Variants in TOX observed in about 807,000 individuals in gnomAD.
TOX encodes the protein thymocyte selection associated high mobility group box, also known as thymocyte selection-associated high mobility group box protein TOX.
A neutral mutation model predicts 53.7 loss-of-function variants in TOX; 11 were observed. The ratio of observed to expected loss-of-function variants is 0.20; its 90% CI spans 0.13 to 0.34. The LOEUF is 0.34. Among genes scored for constraint, TOX ranks in the 10% least tolerant of loss-of-function variants. The pLI is 1.00. For missense variants in TOX, 570 were observed against 664.6 expected (o/e 0.86, Z 1.56); for synonymous variants, 225 against 245.3 (o/e 0.92, Z 0.77).
At chr8:59,060,940 C>T (rs1172305989) in intron 1 of TOX, among the ~76,000 whole-genome samples, 1 of 152,144 alleles carries the variant, frequency 6.6e-6, no homozygotes, top group Non-Finnish European at 1.5e-5. Context: ...AACAACGCTA[C>T]TATTGGGGGA....
chr8:58,952,705 A>G (rs911374521), intron 2 of TOX, among the ~76,000 whole-genome samples: 5 of 152,232 alleles, frequency 3.3e-5, no homozygotes, highest in African/African-American at 9.6e-5. Flanking sequence ...TATTCCATTC[A>G]GATATTTTCA....
intron 1 of TOX, among the ~76,000 whole-genome samples, chr8:59,092,354 A>T (rs1804637953): frequency 7.4e-6 from 1 of 134,744 alleles, no homozygotes; most frequent in Admixed American, 8.3e-5. Context: ...CATTATATAT[A>T]TTATATATAT....
At chr8:58,985,976 G>A (rs377041330) in intron 1 of TOX, among the ~76,000 whole-genome samples, 4 of 152,156 alleles carry the variant, frequency 2.6e-5, no homozygotes, top group Admixed American at 1.3e-4. Context: ...ATCTCATAAT[G>A]AGCAAAAAAT....
rs1812398374 is a variant in TOX at position 58,939,468 on chromosome 8, G to A, written c.245C>T (p.Ser82Leu). The change falls in exon 3 of 9, where the codon TCG (serine) becomes TTG (leucine). Residue 82 changes from serine to leucine, a missense_variant. By Grantham distance (145) the Ser-to-Leu change is moderately radical. Coordinates refer to ENST00000361421, the MANE Select transcript of TOX (RefSeq NM_014729.3). ...PITPPSLPDH[S>L]LVHLNEVESG... ...CTCAACTTCATTCAGGTGCACCAGC[G>A]AGTGGTCTGGGAGGGAAGGAGGAGT... 4.3e-6 allele frequency: 7 copies of A among 1,614,074 alleles called. No homozygotes were observed. Among genetic ancestry groups the A allele is most frequent in the Middle Eastern group, 1.6e-4 (1 of 6,084 alleles).
chr8:58,956,888 C>T (rs1350052719), intron 2 of TOX, among the ~76,000 whole-genome samples: 7 of 152,230 alleles, frequency 4.6e-5, no homozygotes, highest in Non-Finnish European at 1.0e-4. Context: ...GCTGGGATTA[C>T]AGGCATGAGC....
intron 3 of TOX, among the ~76,000 whole-genome samples, chr8:58,938,015 C>G (rs1812375413): frequency 6.6e-6 from 1 of 152,200 alleles, no homozygotes; most frequent in South Asian, 2.1e-4. Flanking sequence ...TAAGCTAAAT[C>G]TATACAAGTG....
intron 1 of TOX, among the ~76,000 whole-genome samples, chr8:58,962,730 TGG>T (rs941217135): frequency 6.6e-6 from 1 of 152,142 alleles, no homozygotes. Context: ...TGCTTGAGCC[TGG>T]GAGGTTGAGG....
chr8:59,106,651 T>G (rs1203536556), intron 1 of TOX, among the ~76,000 whole-genome samples: 4 of 152,146 alleles, frequency 2.6e-5, no homozygotes, highest in Non-Finnish European at 5.9e-5. Context: ...ATGAATTCAC[T>G]CACTCTGATA....
Position 59,118,783 on chromosome 8 carries a change from G to A in TOX, c.102+103C>T, listed in dbSNP as rs1805155358. The A allele has an allele frequency of 3.9e-6, 3 of 769,028 alleles. No individual in the cohort carries two copies. In the South Asian group the frequency reaches 6.5e-5, roughly 17 times the overall value. The allele number at this position is 769,028 out of a possible 1,614,324, so 47.6% of individuals were successfully genotyped here. The stretch of plus-strand genomic sequence containing the variant: ...CGGGCTGCGAGCCGAGCGCGCCCGG[G>A]ACCGGCCTCCGCCAAGCCGGCCCCG... On this transcript the variant is annotated intron_variant, in intron 1 of 8. Coordinates refer to ENST00000361421, the MANE Select transcript of TOX (RefSeq NM_014729.3). This position sits in a 1 kb window ranked among gnomAD's most constrained non-coding sequence, Gnocchi z 4.1.
At position 59,009,366 on chromosome 8, in the gene TOX, T is replaced by C. The variant is rs549294563; in HGVS notation, c.103-49358A>G. 5.3e-5 allele frequency among the ~76,000 whole-genome samples: 8 copies of C among 151,488 alleles called. No individual in the cohort carries two copies. The East Asian group carries it at 1.6e-3, about 30-fold the overall frequency. On this transcript the variant is annotated intron_variant, in intron 1 of 8. Coordinates refer to ENST00000361421, the MANE Select transcript of TOX (RefSeq NM_014729.3). ...TTCCTTCCCTCCTTTCTTTCTCTCT[T>C]TCTCTCTTTCTTTCTTTCTTTTTTT...
intron 6 of TOX, among the ~76,000 whole-genome samples, chr8:58,821,159 T>C (rs1810268603): frequency 6.6e-6 from 1 of 152,156 alleles, no homozygotes; most frequent in Non-Finnish European, 1.5e-5. Context: ...CATATCTTTA[T>C]AAAGAAATGC....
chr8:58,817,043 C>T (rs1393999905), intron 6 of TOX, among the ~76,000 whole-genome samples: 2 of 152,026 alleles, frequency 1.3e-5, no homozygotes, highest in African/African-American at 4.8e-5. Flanking sequence ...GGTGGGTGGA[C>T]GATCAGCCCC....
intron 1 of TOX, among the ~76,000 whole-genome samples, chr8:59,052,715 T>C (rs1803813832): frequency 6.6e-6 from 1 of 152,176 alleles, no homozygotes; most frequent in South Asian, 2.1e-4. Context: ...GCAAATTGCT[T>C]AACATCTCTG....
At chr8:58,824,747 G>A (rs919059476) in intron 6 of TOX, among the ~76,000 whole-genome samples, 1 of 152,180 alleles carries the variant, frequency 6.6e-6, no homozygotes, top group Non-Finnish European at 1.5e-5. Context: ...CTTGACGAAA[G>A]AGAAAGTTCT....
intron 1 of TOX, among the ~76,000 whole-genome samples, chr8:59,002,987 T>C (rs1171378625): frequency 2.0e-5 from 3 of 152,216 alleles, no homozygotes; most frequent in Non-Finnish European, 4.4e-5. Flanking sequence ...TGTGTTATAT[T>C]GAAACCTGTG....
chr8:58,837,693 G>C (rs1563366179), intron 5 of TOX, among the ~76,000 whole-genome samples: 1 of 152,214 alleles, frequency 6.6e-6, no homozygotes, highest in Admixed American at 6.5e-5. Context: ...AGAGCAAAGA[G>C]GGTTTTGATG....
intron 1 of TOX, among the ~76,000 whole-genome samples, chr8:59,021,481 A>AAAAATATATATATAT (rs59174995): frequency 9.3e-5 from 6 of 64,734 alleles, no homozygotes; most frequent in East Asian, 4.5e-4. Context: ...AAAAAAAAAA[A>AAAAATATATATATAT]ATATATATAT....
Position 58,815,470 on chromosome 8 carries a change from G to A in TOX, c.1260C>T (p.Pro420=), listed in dbSNP as rs1238835806. 1 of 1,614,052 alleles carries A rather than the reference G, an allele frequency of 6.2e-7. No individual in the cohort carries two copies. Among genetic ancestry groups the A allele is most frequent in the Admixed American group, 1.7e-5 (1 of 60,026 alleles). Residue 420 remains proline (P), a synonymous_variant, in exon 7 of 9, where the codon CCC becomes CCT. Coordinates refer to ENST00000361421, the MANE Select transcript of TOX (RefSeq NM_014729.3). ...GGTGAAGAGGCGGGCTGATCTGGAG[G>A]GGAGGAGGAGGGGACACAGCCATGT... ...IANMAVSPPP[P]LQISPPLHQH... is the part of the protein sequence containing the mutation.
At position 59,092,272 on chromosome 8, in the gene TOX, TA is replaced by T. The variant is rs1804625349; in HGVS notation, c.102+26613del. On this transcript the variant is annotated intron_variant, in intron 1 of 8. Transcript: ENST00000361421. ...ATCTCATATATATATATTTTATATA[TA>T]TATATATATTATATATACATTATAT... Among the ~76,000 whole-genome samples the T allele has an allele frequency of 1.8e-5, 2 of 113,286 alleles. 1 individual carries two copies. Among genetic ancestry groups the T allele is most frequent in the African/African-American group, 1.1e-4 (2 of 17,946 alleles). 74.3% of individuals were successfully genotyped at this position (113,286 alleles called of 152,430 possible). A position where few individuals can be genotyped will look rare whatever the true frequency, so the allele number is the denominator to read the frequency against.
Sources: gnomAD v4.1 joint callset for allele counts (sites outside exome capture counted in the v4.1 genomes callset) on GRCh38, gnomAD v4.1.1 for gene constraint, Gnocchi (gnomAD v3.1) non-coding constraint, MANE v1.5 for transcripts, NCBI Gene and HGNC (gene_info 2026-07-23, HGNC 2026-07-21) for gene names.